The following STAT3 variants were observed in gnomAD, a reference collection of about 807,000 sequenced individuals.
The protein encoded by STAT3 is signal transducer and activator of transcription 3, also known as DNA-binding protein APRF.
A neutral mutation model predicts 114.3 loss-of-function variants in STAT3; 7 were observed. The observed-to-expected ratio is 0.06, with a 90% CI of 0.03 to 0.11. The LOEUF (loss-of-function observed/expected upper bound fraction) is 0.11, where lower values mean the gene tolerates loss of function less well. Among genes scored for constraint, STAT3 ranks in the 10% least tolerant of loss-of-function variants. The pLI is 1.00. For missense variants in STAT3, 364 were observed against 960.9 expected (o/e 0.38, Z 8.21); for synonymous variants, 331 against 354.5 (o/e 0.93, Z 0.74).
rs2082635725 is a variant in STAT3 at position 42,345,093 on chromosome 17, C to T, written c.372+466G>A. On this transcript the variant is annotated intron_variant, in intron 4 of 23. Coordinates refer to ENST00000264657, the MANE Select transcript of STAT3 (RefSeq NM_139276.3). ...CCAGCCTGACCAACATGAAGAAACCCCGTCTCTACTAAAAATACAAAATTA... is the reference window on the plus strand; with the variant it reads ...CCAGCCTGACCAACATGAAGAAACCTCGTCTCTACTAAAAATACAAAATTA... 2.0e-5 allele frequency among the ~76,000 whole-genome samples: 3 copies of T among 151,740 alleles called. No homozygotes were observed. The South Asian group carries it at 6.2e-4, about 32-fold the overall frequency.
In STAT3 at chr17:42,337,533, T is replaced by C. The variant is rs2082277686; in HGVS notation, c.699A>G (p.Lys233=). The change falls in exon 8 of 24, where the codon AAA becomes AAG. Residue 233 remains lysine (K), a synonymous_variant. Coordinates refer to ENST00000264657, the MANE Select transcript of STAT3 (RefSeq NM_139276.3). The surrounding 1 kb of genome is among the most constrained non-coding windows in gnomAD (Gnocchi z 4.0). ...CAGCCAGCTCCTCGTCCGTGAGAGT[T>C]TTCTGCACGTACTCCATCGCTGACA... ...GLLSAMEYVQ[K]TLTDEELADW... is the part of the protein sequence containing the mutation. 1.2e-6 allele frequency: 2 copies of C among 1,614,168 alleles called. No homozygotes were observed. The highest frequency in any genetic ancestry group is 1.7e-6 in the Non-Finnish European group (2 of 1,180,042).
In STAT3 at chr17:42,333,313, C is replaced by G. The variant is rs2082099727; in HGVS notation, c.1049+360G>C. The stretch of plus-strand genomic sequence containing the variant: ...ACCCACCTGCCCTGGGGCCTCTCAG[C>G]TTCCCCATCACTAAGCCTTACTCTT... On this transcript the variant is annotated intron_variant, in intron 10 of 23. Transcript: ENST00000264657. This position sits in a 1 kb window ranked among gnomAD's most constrained non-coding sequence, Gnocchi z 5.2. Among the ~76,000 whole-genome samples the G allele has an allele frequency of 6.6e-6, 1 of 152,040 alleles. No individual in the cohort carries two copies. The highest frequency in any genetic ancestry group is 1.5e-5 in the Non-Finnish European group (1 of 67,996).
At chr17:42,323,771 G>A in intron 17 of STAT3, 146 bp from the exon 18 acceptor site, 2 of 796,518 alleles carry the variant, frequency 2.5e-6, no homozygotes, top group Non-Finnish European at 4.2e-6. Context: ...ACTGTTGTGT[G>A]TGTGCACATG....
chr17:42,335,590 AG>A (rs1481768181), intron 8 of STAT3, among the ~76,000 whole-genome samples: 1 of 152,216 alleles, frequency 6.6e-6, no homozygotes, highest in African/African-American at 2.4e-5. Flanking sequence ...GTGAATAGAG[AG>A]GGAGAAAAAG....
intron 18 of STAT3, 98 bp downstream of exon 18, chr17:42,323,475 G>C: frequency 2.6e-6 from 4 of 1,551,366 alleles, no homozygotes; most frequent in Non-Finnish European, 3.6e-6. Context: ...CCTACTGGCC[G>C]CTGGACCAAG....
chr17:42,322,951 T>C, intron 20 of STAT3, 53 bp downstream of exon 20: 13 of 1,612,164 alleles, frequency 8.1e-6, no homozygotes, highest in Admixed American at 6.7e-5. Flanking sequence ...CTAGAAGCAG[T>C]GATGAGGCCT....
intron 4 of STAT3, 33 bp downstream of exon 4, chr17:42,345,526 C>G (rs2082657206): frequency 6.4e-7 from 1 of 1,557,228 alleles, no homozygotes; most frequent in African/African-American, 1.4e-5. Flanking sequence ...CCATTCCTCC[C>G]AGACCAGGGA....
intron 1 of STAT3, among the ~76,000 whole-genome samples, chr17:42,382,217 G>T (rs1034705808): frequency 6.6e-6 from 1 of 152,190 alleles, no homozygotes; most frequent in African/African-American, 2.4e-5. Flanking sequence ...CTCCTGAAAA[G>T]AATTAATCTC....
At chr17:42,328,939 T>TACTC (rs2081866304) in intron 14 of STAT3, among the ~76,000 whole-genome samples, 1 of 152,248 alleles carries the variant, frequency 6.6e-6, no homozygotes, top group African/African-American at 2.4e-5. Context: ...TTATTTTATG[T>TACTC]ACTCTTTTCC....
intron 11 of STAT3, 108 bp from the exon 12 acceptor site, chr17:42,329,884 G>A (rs1201307654): frequency 2.4e-6 from 3 of 1,253,536 alleles, no homozygotes; most frequent in African/African-American, 1.5e-5. Flanking sequence ...GTGCTCCTGG[G>A]CATTTCTTTA....
intron 15 of STAT3, 67 bp from the exon 16 acceptor site, chr17:42,325,128 C>A (rs992736603): frequency 3.4e-6 from 5 of 1,463,852 alleles, no homozygotes; most frequent in Non-Finnish European, 4.8e-6. Flanking sequence ...AATCTCTTCA[C>A]CCGCATCTCA....
intron 5 of STAT3, 41 bp downstream of exon 5, chr17:42,339,271 AAT>A (rs2144894392): frequency 6.3e-7 from 1 of 1,593,388 alleles, no homozygotes; most frequent in East Asian, 2.2e-5. Context: ...AAAAAAAAAA[AAT>A]TAATGAAAGC....
At chr17:42,379,047 G>A (rs1398770922) in intron 1 of STAT3, among the ~76,000 whole-genome samples, 2 of 152,266 alleles carry the variant, frequency 1.3e-5, no homozygotes, top group South Asian at 2.1e-4. Context: ...GAAACAGGTG[G>A]CTGACACCAG....
chr17:42,330,834 TA>T (rs566998010), intron 11 of STAT3, among the ~76,000 whole-genome samples: 1 of 151,794 alleles, frequency 6.6e-6, no homozygotes, highest in Admixed American at 6.6e-5. Flanking sequence ...GTGGAACAAT[TA>T]AAAAAAAGAG....
chr17:42,379,732 C>G (rs2084670805), intron 1 of STAT3, among the ~76,000 whole-genome samples: 1 of 152,162 alleles, frequency 6.6e-6, no homozygotes, highest in South Asian at 2.1e-4. Context: ...TTAAATATTA[C>G]TTAAAATAAG....
intron 1 of STAT3, among the ~76,000 whole-genome samples, chr17:42,357,112 G>A (rs1049814366): frequency 4.6e-5 from 7 of 152,020 alleles, no homozygotes; most frequent in Admixed American, 2.0e-4. Context: ...TATTTAAAGC[G>A]CATAAAAGAA....
intron 1 of STAT3, among the ~76,000 whole-genome samples, chr17:42,370,587 T>C (rs970171420): frequency 6.7e-6 from 1 of 148,798 alleles, no homozygotes. Context: ...TTTGGTGAGA[T>C]TGTTTGGTTT....
chr17:42,376,883 G>A (rs867154133), intron 1 of STAT3, among the ~76,000 whole-genome samples: 3 of 151,968 alleles, frequency 2.0e-5, no homozygotes, highest in Non-Finnish European at 4.4e-5. Flanking sequence ...TTTGTGGGGG[G>A]TACAATTCCT....
At chr17:42,351,303 T>C (rs2082944932) in intron 1 of STAT3, among the ~76,000 whole-genome samples, 3 of 152,056 alleles carry the variant, frequency 2.0e-5, no homozygotes, top group Non-Finnish European at 2.9e-5. Context: ...TGGAGTGCAG[T>C]GGTTCAATCA....
Sources: gnomAD v4.1 joint callset for allele counts (sites outside exome capture counted in the v4.1 genomes callset) on GRCh38, gnomAD v4.1.1 for gene constraint, Gnocchi (gnomAD v3.1) non-coding constraint, MANE v1.5 for transcripts, NCBI Gene and HGNC (gene_info 2026-07-23, HGNC 2026-07-21) for gene names.